The following DGKB variants were observed in gnomAD, a reference collection of about 807,000 sequenced individuals.
The protein encoded by DGKB is diacylglycerol kinase beta, also known as 90 kDa diacylglycerol kinase.
A neutral mutation model predicts 114.3 loss-of-function variants in DGKB; 67 were observed. The ratio of observed to expected loss-of-function variants is 0.59; its 90% CI spans 0.48 to 0.72. The LOEUF (loss-of-function observed/expected upper bound fraction) is 0.72. DGKB is among the 30% of genes least tolerant of loss of function. The pLI is 0.00. For missense variants in DGKB, 907 were observed against 975.2 expected (o/e 0.93, Z 0.93); for synonymous variants, 398 against 323.1 (o/e 1.23, Z -2.49).
intron 2 of DGKB, among the ~76,000 whole-genome samples, chr7:14,781,613 G>C (rs1839100958): frequency 6.6e-6 from 1 of 152,028 alleles, no homozygotes; most frequent in Admixed American, 6.6e-5. Context: ...TTACTTTGCA[G>C]TTGTAATAGA....
At chr7:14,563,063 A>G (rs1796906185) in intron 20 of DGKB, among the ~76,000 whole-genome samples, 1 of 152,150 alleles carries the variant, frequency 6.6e-6, no homozygotes, top group Non-Finnish European at 1.5e-5. Context: ...GTGATAGTGA[A>G]TAAGTGTCAG....
chr7:14,628,245 TGAAA>T (rs952114550), intron 14 of DGKB, among the ~76,000 whole-genome samples: 3 of 151,792 alleles, frequency 2.0e-5, no homozygotes, highest in Non-Finnish European at 4.4e-5. Flanking sequence ...GAATACAAAA[TGAAA>T]GAGTCATCTT....
chr7:14,961,972 C>T (rs1475090691), intron 1 of DGKB, among the ~76,000 whole-genome samples: 1 of 152,010 alleles, frequency 6.6e-6, no homozygotes, highest in African/African-American at 2.4e-5. Context: ...GTTATCTATC[C>T]AATGGGTAAA....
intron 21 of DGKB, among the ~76,000 whole-genome samples, chr7:14,356,352 C>CTTTTTTTTTTTT (rs997102742): frequency 1.4e-4 from 11 of 77,224 alleles, no homozygotes; most frequent in East Asian, 3.8e-4. Flanking sequence ...TTCTCTAGTT[C>CTTTTTTTTTTTT]TTTTTTTTTT....
intron 23 of DGKB, among the ~76,000 whole-genome samples, chr7:14,328,703 A>C (rs1055146223): frequency 2.0e-5 from 3 of 152,072 alleles, no homozygotes; most frequent in African/African-American, 7.2e-5. Flanking sequence ...AATTAAAATA[A>C]CAGTGCAGCA....
At chr7:14,299,475 TGAA>T (rs981345927) in intron 23 of DGKB, among the ~76,000 whole-genome samples, 1 of 152,142 alleles carries the variant, frequency 6.6e-6, no homozygotes, top group Non-Finnish European at 1.5e-5. Flanking sequence ...TGAGAGGTTT[TGAA>T]GAAAAGGCAG....
intron 13 of DGKB, among the ~76,000 whole-genome samples, chr7:14,660,137 G>C (rs1469839097): frequency 2.6e-5 from 4 of 151,790 alleles, no homozygotes; most frequent in African/African-American, 7.3e-5. Context: ...TGTTTTGCCA[G>C]TATTTTATTG....
intron 21 of DGKB, among the ~76,000 whole-genome samples, chr7:14,393,618 C>G (rs947304565): frequency 6.6e-6 from 1 of 152,128 alleles, no homozygotes; most frequent in East Asian, 1.9e-4. Flanking sequence ...ACACTGCTCT[C>G]GAAGGATCAT....
intron 20 of DGKB, among the ~76,000 whole-genome samples, chr7:14,493,925 T>TACAAACACAC (rs201167494): frequency 0.017 from 2,308 of 137,700 alleles, 62 homozygotes; most frequent in African/African-American, 0.056. Flanking sequence ...CATGGTATCA[T>TACAAACACAC]ACACACACAC....
Position 14,541,925 on chromosome 7 carries a change from T to A in DGKB, c.1770+32287A>T, listed in dbSNP as rs1793528028. Among the ~76,000 whole-genome samples, 3 of 152,176 alleles carry A rather than the reference T, an allele frequency of 2.0e-5. No individual in the cohort carries two copies. The South Asian group carries it at 6.2e-4, about 31-fold the overall frequency. ...CACATTTAGATTTCTAGTATTTCCA[T>A]CCCAGTTATCCTACCCAATTTCCTT... On this transcript the variant is annotated intron_variant, in intron 20 of 25. Coordinates refer to ENST00000402815, the MANE Select transcript of DGKB (RefSeq NM_001350709.2).
At chr7:14,439,142 C>T (rs578152730) in intron 21 of DGKB, among the ~76,000 whole-genome samples, 1 of 152,164 alleles carries the variant, frequency 6.6e-6, no homozygotes, top group Admixed American at 6.5e-5. Flanking sequence ...GGAGGAGTTA[C>T]TTTCATTACA....
intron 20 of DGKB, among the ~76,000 whole-genome samples, chr7:14,526,996 G>A (rs914491919): frequency 3.3e-5 from 5 of 152,112 alleles, no homozygotes; most frequent in Non-Finnish European, 7.4e-5. Context: ...TAGCTTTCAG[G>A]AACCTCTATT....
intron 21 of DGKB, among the ~76,000 whole-genome samples, chr7:14,438,021 G>T (rs1398717646): frequency 6.6e-6 from 1 of 151,608 alleles, no homozygotes; most frequent in Non-Finnish European, 1.5e-5. Context: ...AAATGACAAA[G>T]CCTTATTATC....
intron 2 of DGKB, among the ~76,000 whole-genome samples, chr7:14,759,412 G>A (rs1362480981): frequency 6.6e-6 from 1 of 152,044 alleles, no homozygotes; most frequent in Non-Finnish European, 1.5e-5. Flanking sequence ...GTCACTCCCT[G>A]TATTTTCTCC....
chr7:14,563,851 A>G (rs1488948945), intron 20 of DGKB, among the ~76,000 whole-genome samples: 1 of 152,126 alleles, frequency 6.6e-6, no homozygotes, highest in Non-Finnish European at 1.5e-5. Context: ...TGGGGTCTTC[A>G]CCAAGTTTTC....
At position 14,600,702 on chromosome 7, in the gene DGKB, C is replaced by G. The variant is rs185802469; in HGVS notation, c.1433+6732G>C. Among the ~76,000 whole-genome samples the G allele has an allele frequency of 7.6e-4, 115 of 152,264 alleles. 1 individual carries two copies. Among genetic ancestry groups the G allele is most frequent in the Admixed American group, 2.0e-3 (31 of 15,302 alleles). On this transcript the variant is annotated intron_variant, in intron 17 of 25. Transcript: ENST00000402815. ...ACAAGTCCCAAGTAAGTCCAACACC[C>G]AACAAGGCAAACAACATTAACTCTT...
At chr7:14,612,706 G>T (rs1325990046) in intron 16 of DGKB, among the ~76,000 whole-genome samples, 2 of 151,868 alleles carry the variant, frequency 1.3e-5, no homozygotes, top group African/African-American at 4.8e-5. Context: ...AGGTATAAAT[G>T]CATTTTTGTT....
At chr7:14,970,989 G>A (rs536629600) in intron 1 of DGKB, among the ~76,000 whole-genome samples, 2 of 152,078 alleles carry the variant, frequency 1.3e-5, no homozygotes, top group East Asian at 1.9e-4. Context: ...AGTTTCAAAC[G>A]CAAATCTGAA....
intron 20 of DGKB, among the ~76,000 whole-genome samples, chr7:14,524,845 G>A (rs1790389929): frequency 2.0e-5 from 3 of 150,722 alleles, no homozygotes; most frequent in Non-Finnish European, 3.0e-5. Flanking sequence ...TGTTAATTTT[G>A]TGAGATATGA....
Sources: gnomAD v4.1 joint callset for allele counts (sites outside exome capture counted in the v4.1 genomes callset) on GRCh38, gnomAD v4.1.1 for gene constraint, MANE v1.5 for transcripts, NCBI Gene and HGNC (gene_info 2026-07-23, HGNC 2026-07-21) for gene names.